The following PAPPA2 variants were observed in gnomAD, a reference collection of about 807,000 sequenced individuals.
PAPPA2 encodes the protein pappalysin-2.
In PAPPA2, 86 loss-of-function variants were observed where a neutral mutation model predicts 176.4. That is an observed-to-expected ratio of 0.49 (90% confidence interval 0.41 to 0.58). The LOEUF is 0.58. PAPPA2 is among the 20% of genes least tolerant of loss of function. The pLI is 0.00. For synonymous variants in PAPPA2, 809 were observed against 852.2 expected (o/e 0.95, Z 0.88); for missense variants, 2,073 against 2,256.9 (o/e 0.92, Z 1.65).
chr1:176,771,050 C>G lies in PAPPA2; in HGVS notation c.4585C>G (p.Pro1529Ala). 6.2e-7 allele frequency: 1 copy of G among 1,614,084 alleles called. No individual in the cohort carries two copies. Among genetic ancestry groups the G allele is most frequent in the South Asian group, 1.1e-5 (1 of 91,078 alleles). ...CTGCAAGTTGGAGTGTGATGCTCCCCCTATTATTCTGAATGCCAACTTGCT... is the reference window on the plus strand; with the variant it reads ...CTGCAAGTTGGAGTGTGATGCTCCCGCTATTATTCTGAATGCCAACTTGCT... Reference protein sequence around the residue: ...VYCKLECDAPPIILNANLLLP... With the variant: ...VYCKLECDAPAIILNANLLLP... The change falls in exon 17 of 23, where the codon CCT becomes GCT. Residue 1529 changes from proline (P) to alanine (A), a missense_variant. By Grantham distance (27) the Pro-to-Ala change is conservative. This residue lies in a region of PAPPA2 where 846 missense variants were observed against 857.9 expected (regional missense o/e 0.99). Transcript: ENST00000367662.
chr1:176,833,067 G>A (rs1667139152), intron 21 of PAPPA2, among the ~76,000 whole-genome samples: 2 of 152,086 alleles, frequency 1.3e-5, no homozygotes, highest in Admixed American at 6.6e-5. Context: ...ACGCGCAGTC[G>A]GCATTCCTCT....
At chr1:176,628,186 G>A (rs529705340) in intron 3 of PAPPA2, among the ~76,000 whole-genome samples, 2 of 151,534 alleles carry the variant, frequency 1.3e-5, no homozygotes, top group East Asian at 1.9e-4. Context: ...ATTTTGCCAA[G>A]GGAGTACAAT....
intron 17 of PAPPA2, among the ~76,000 whole-genome samples, chr1:176,781,362 GGGCTTTTTTTTTTTTTTTTTT>G (rs1200950227): frequency 7.8e-6 from 1 of 128,222 alleles, no homozygotes; most frequent in Non-Finnish European, 1.6e-5. Context: ...GCTTTGTAAG[GGGCTTTTTTTTTTTTTTTTTT>G]TTTTTTTTTT....
chr1:176,586,559 T>C (rs240106), intron 2 of PAPPA2, among the ~76,000 whole-genome samples: 97,936 of 151,926 alleles, frequency 0.64, 32,119 homozygotes, highest in East Asian at 0.93. Flanking sequence ...TTTCTGTTCC[T>C]GTGTTAGTTG....
At chr1:176,543,519 T>C (rs1167363481) in intron 1 of PAPPA2, among the ~76,000 whole-genome samples, 1 of 152,076 alleles carries the variant, frequency 6.6e-6, no homozygotes, top group Non-Finnish European at 1.5e-5. Flanking sequence ...AACTTTGTGG[T>C]TGATGTCTTC....
intron 21 of PAPPA2, among the ~76,000 whole-genome samples, chr1:176,833,471 A>C (rs989290213): frequency 2.6e-5 from 4 of 152,164 alleles, no homozygotes; most frequent in Admixed American, 2.6e-4. Context: ...ACCTGTTAAA[A>C]CCCAACCACT....
At chr1:176,572,713 A>G (rs752047705) in intron 2 of PAPPA2, among the ~76,000 whole-genome samples, 1 of 152,224 alleles carries the variant, frequency 6.6e-6, no homozygotes, top group Non-Finnish European at 1.5e-5. Flanking sequence ...CACTGGACAA[A>G]TACTAATGCT....
At chr1:176,755,376 C>A (rs571083491) in intron 14 of PAPPA2, among the ~76,000 whole-genome samples, 1 of 152,290 alleles carries the variant, frequency 6.6e-6, no homozygotes, top group South Asian at 2.1e-4. Flanking sequence ...CACAGAGCAG[C>A]CAGGCTACCC....
chr1:176,629,113 G>C (rs559843124), intron 3 of PAPPA2, among the ~76,000 whole-genome samples: 1 of 152,322 alleles, frequency 6.6e-6, no homozygotes, highest in East Asian at 1.9e-4. Context: ...TACAGTATCA[G>C]AGCCAGCCTC....
chr1:176,778,049 A>T (rs1664539089), intron 17 of PAPPA2, among the ~76,000 whole-genome samples: 1 of 126,598 alleles, frequency 7.9e-6, no homozygotes, highest in African/African-American at 4.0e-5. Flanking sequence ...AAAACAAATT[A>T]AAAAAAAAAA....
intron 14 of PAPPA2, among the ~76,000 whole-genome samples, chr1:176,757,969 A>G (rs1222233488): frequency 1.3e-5 from 2 of 152,192 alleles, no homozygotes; most frequent in Non-Finnish European, 2.9e-5. Context: ...AATAGGTCGC[A>G]TTCTAGGAAG....
chr1:176,778,689 C>T (rs183407027), intron 17 of PAPPA2, among the ~76,000 whole-genome samples: 2 of 152,186 alleles, frequency 1.3e-5, no homozygotes, highest in Non-Finnish European at 2.9e-5. Flanking sequence ...AACCTATACA[C>T]TTATATACAC....
At chr1:176,799,009 A>C (rs1224558967) in intron 20 of PAPPA2, among the ~76,000 whole-genome samples, 1 of 152,216 alleles carries the variant, frequency 6.6e-6, no homozygotes, top group Non-Finnish European at 1.5e-5. Context: ...GAATGTCTCC[A>C]ATCTAATGAT....
chr1:176,771,831 A>G (rs975869199), intron 17 of PAPPA2, among the ~76,000 whole-genome samples: 15 of 152,194 alleles, frequency 9.9e-5, no homozygotes, highest in African/African-American at 3.4e-4. Context: ...CAAAAGCTTT[A>G]TAATGTAATT....
intron 3 of PAPPA2, among the ~76,000 whole-genome samples, chr1:176,646,282 G>A (rs982876447): frequency 2.0e-5 from 3 of 150,932 alleles, no homozygotes; most frequent in Admixed American, 6.6e-5. Context: ...ATTTTTGTGG[G>A]TACATAGTAG....
intron 3 of PAPPA2, among the ~76,000 whole-genome samples, chr1:176,633,365 C>T (rs1656466479): frequency 6.6e-6 from 1 of 152,120 alleles, no homozygotes; most frequent in Non-Finnish European, 1.5e-5. Context: ...CAGTGAATGA[C>T]ATAGGATCAA....
chr1:176,827,325 A>G (rs1394178552), intron 21 of PAPPA2, among the ~76,000 whole-genome samples: 2 of 152,226 alleles, frequency 1.3e-5, no homozygotes, highest in Non-Finnish European at 2.9e-5. Flanking sequence ...TACAGATTAA[A>G]TTCTTCTGGA....
intron 2 of PAPPA2, among the ~76,000 whole-genome samples, chr1:176,576,174 A>G (rs935926741): frequency 2.6e-5 from 4 of 152,140 alleles, no homozygotes; most frequent in African/African-American, 9.7e-5. Context: ...GGAATGGTTT[A>G]CTAACTCTCT....
chr1:176,564,990 T>G (rs1651881831), intron 2 of PAPPA2, among the ~76,000 whole-genome samples: 1 of 152,076 alleles, frequency 6.6e-6, no homozygotes, highest in Non-Finnish European at 1.5e-5. Context: ...ACTCTCTATC[T>G]CTATAGATTT....
Sources: gnomAD v4.1 joint callset for allele counts (sites outside exome capture counted in the v4.1 genomes callset) on GRCh38, gnomAD v4.1.1 for gene constraint, gnomAD v4.1.1 regional missense constraint, MANE v1.5 for transcripts, NCBI Gene and HGNC (gene_info 2026-07-23, HGNC 2026-07-21) for gene names.